The following SEMA6D variants were observed in gnomAD, a reference collection of about 807,000 sequenced individuals.
SEMA6D encodes the protein semaphorin-6D.
A neutral mutation model predicts 106.6 loss-of-function variants in SEMA6D; 35 were observed. That is an observed-to-expected ratio of 0.33 (90% CI 0.25 to 0.44). The LOEUF is 0.44. Ranked by LOEUF, SEMA6D falls within the 20% of genes least tolerant of loss-of-function variation. The probability of loss-of-function intolerance (pLI) is 1.00; values close to 1 mark genes in which losing one functional copy is unlikely to be tolerated. For missense variants in SEMA6D, 1,185 were observed against 1,345.9 expected (o/e 0.88, Z 1.87); for synonymous variants, 499 against 487.7 (o/e 1.02, Z -0.31).
In SEMA6D at chr15:47,304,433, T is replaced by TAAAAAAAAAAAAAA. The variant is rs56185341; in HGVS notation, c.-238-107937_-238-107924dup. 1.7e-4 allele frequency among the ~76,000 whole-genome samples: 16 copies of TAAAAAAAAAAAAAA among 93,832 alleles called. 1 individual carries two copies. The highest frequency in any genetic ancestry group is 8.6e-4 in the African/African-American group (14 of 16,330). 61.6% of individuals were successfully genotyped at this position (93,832 alleles called of 152,430 possible). ...TGCACTCCAGCCTGAGCCTTCTAAC[T>TAAAAAAAAAAAAAA]AAAAAAAAAAAAAAAAAAAAAAAAA... On this transcript the variant is annotated intron_variant, in intron 1 of 19. Transcript: ENST00000558014.
At chr15:47,518,967 G>A (rs974856026) in intron 3 of SEMA6D, among the ~76,000 whole-genome samples, 5 of 152,120 alleles carry the variant, frequency 3.3e-5, no homozygotes, top group Admixed American at 6.6e-5. Context: ...GCTCATGGCT[G>A]TAATCCTAGC....
intron 3 of SEMA6D, among the ~76,000 whole-genome samples, chr15:47,552,801 TATAA>T (rs1347127005): frequency 2.8e-4 from 10 of 36,344 alleles, no homozygotes; most frequent in African/African-American, 1.3e-3. Context: ...TTTATATATA[TATAA>T]AAATATATAT....
At chr15:47,429,218 T>C (rs745317927) in intron 2 of SEMA6D, among the ~76,000 whole-genome samples, 4 of 152,116 alleles carry the variant, frequency 2.6e-5, no homozygotes, top group Non-Finnish European at 5.9e-5. Flanking sequence ...TTAGAAGTTA[T>C]AGGCTGGCCA....
rs374155267 is a variant in SEMA6D, at chr15:47,295,278, G to T, written c.-239+110860G>T. 8.5e-5 allele frequency among the ~76,000 whole-genome samples: 13 copies of T among 152,168 alleles called. No individual in the cohort carries two copies. In the East Asian group the frequency reaches 1.3e-3, roughly 16 times the overall value. ...GAGCATCAAGTGAGCTCATGTATTA[G>T]AAGTTATTTTTGAAAATTACAGATT... On this transcript the variant is annotated intron_variant, in intron 1 of 19. Transcript: ENST00000558014.
chr15:47,309,146 A>G (rs1369877561), intron 1 of SEMA6D, among the ~76,000 whole-genome samples: 1 of 152,230 alleles, frequency 6.6e-6, no homozygotes, highest in Non-Finnish European at 1.5e-5. Flanking sequence ...CATTTAATAC[A>G]GTAGTCCCCC....
At chr15:47,440,548 C>T (rs1172928477) in intron 2 of SEMA6D, among the ~76,000 whole-genome samples, 1 of 151,792 alleles carries the variant, frequency 6.6e-6, no homozygotes, top group South Asian at 2.1e-4. Flanking sequence ...CCCAGCTAAA[C>T]TTCAGAAGAG....
intron 4 of SEMA6D, among the ~76,000 whole-genome samples, chr15:47,657,613 T>G (rs536695917): frequency 7.1e-4 from 107 of 151,554 alleles, no homozygotes; most frequent in Non-Finnish European, 1.2e-3. Flanking sequence ...CTCCTTTTTC[T>G]CAACATGTAT....
intron 1 of SEMA6D, among the ~76,000 whole-genome samples, chr15:47,264,218 C>G (rs1358175444): frequency 6.6e-6 from 1 of 151,810 alleles, no homozygotes; most frequent in African/African-American, 2.4e-5. Context: ...GGGAGAAGAT[C>G]AGGGAAAATA....
At chr15:47,637,567 G>T (rs945216964) in intron 4 of SEMA6D, among the ~76,000 whole-genome samples, 1 of 152,156 alleles carries the variant, frequency 6.6e-6, no homozygotes, top group African/African-American at 2.4e-5. Context: ...GCTCAGCATC[G>T]TGTCAGTTTT....
At chr15:47,326,465 A>G (rs1851421039) in intron 1 of SEMA6D, among the ~76,000 whole-genome samples, 1 of 152,246 alleles carries the variant, frequency 6.6e-6, no homozygotes, top group South Asian at 2.1e-4. Flanking sequence ...TGTGAAGATC[A>G]GAATTGCAAA....
At chr15:47,677,794 A>G (rs1268280842) in intron 4 of SEMA6D, among the ~76,000 whole-genome samples, 2 of 152,234 alleles carry the variant, frequency 1.3e-5, no homozygotes, top group African/African-American at 2.4e-5. Context: ...CTTGAAAACC[A>G]TAAAGTCATA....
At chr15:47,647,159 T>C (rs1596525644) in intron 4 of SEMA6D, among the ~76,000 whole-genome samples, 1 of 152,198 alleles carries the variant, frequency 6.6e-6, no homozygotes, top group African/African-American at 2.4e-5. Flanking sequence ...TAATCACAAT[T>C]TTCCTATGAG....
At chr15:47,636,232 T>A (rs2077386371) in intron 4 of SEMA6D, among the ~76,000 whole-genome samples, 1 of 152,022 alleles carries the variant, frequency 6.6e-6, no homozygotes, top group South Asian at 2.1e-4. Context: ...AAAATAAGAG[T>A]AATAAAATGA....
At chr15:47,662,237 C>A (rs1285772115) in intron 4 of SEMA6D, among the ~76,000 whole-genome samples, 1 of 150,898 alleles carries the variant, frequency 6.6e-6, no homozygotes, top group Non-Finnish European at 1.5e-5. Context: ...CCCACCCCAA[C>A]AAACACACAC....
intron 4 of SEMA6D, among the ~76,000 whole-genome samples, chr15:47,681,450 A>T (rs900330651): frequency 1.3e-5 from 2 of 152,192 alleles, no homozygotes; most frequent in Non-Finnish European, 2.9e-5. Flanking sequence ...TGGGAGGAGG[A>T]GAAAATGGAG....
chr15:47,505,075 G>A (rs1422306172), intron 3 of SEMA6D, among the ~76,000 whole-genome samples: 1 of 152,094 alleles, frequency 6.6e-6, no homozygotes, highest in African/African-American at 2.4e-5. Flanking sequence ...AAGTGGAGGG[G>A]AGCAAGGCCA....
chr15:47,242,039 T>C (rs1269371084), intron 1 of SEMA6D, among the ~76,000 whole-genome samples: 1 of 152,128 alleles, frequency 6.6e-6, no homozygotes, highest in Non-Finnish European at 1.5e-5. Flanking sequence ...TTAGAACTTG[T>C]GTGGCCTTGG....
chr15:47,745,142 T>A (rs1567062946), intron 1 of SEMA6D, among the ~76,000 whole-genome samples: 1 of 152,240 alleles, frequency 6.6e-6, no homozygotes, highest in Non-Finnish European at 1.5e-5. Context: ...GAAGCGTAAT[T>A]ATCTCTGGCA....
intron 1 of SEMA6D, among the ~76,000 whole-genome samples, chr15:47,238,860 T>C (rs2032726852): frequency 6.6e-6 from 1 of 152,116 alleles, no homozygotes; most frequent in South Asian, 2.1e-4. Context: ...CTCTCCTCTT[T>C]TAGGATTCAT....
Sources: gnomAD v4.1 joint callset for allele counts (sites outside exome capture counted in the v4.1 genomes callset) on GRCh38, gnomAD v4.1.1 for gene constraint, MANE v1.5 for transcripts, NCBI Gene and HGNC (gene_info 2026-07-23, HGNC 2026-07-21) for gene names.